The following CLCN1 variants were observed in gnomAD, a reference collection of about 807,000 sequenced individuals.
CLCN1 encodes chloride channel protein 1.
In CLCN1, 100 loss-of-function variants were observed where a neutral mutation model predicts 114.5. The observed-to-expected ratio is 0.87, with a 90% confidence interval of 0.74 to 1.03. The LOEUF is 1.03. CLCN1 is among the 50% of genes least tolerant of loss of function. The pLI, the probability that CLCN1 is intolerant of heterozygous loss-of-function variation, is 0.00. For missense variants in CLCN1, 1,188 were observed against 1,250.0 expected, an observed-to-expected ratio of 0.95 and a Z score of 0.75; for synonymous variants, 485 against 487.1, an observed-to-expected ratio of 1.00 and a Z score of 0.06.
chr7:143,350,224 G>A lies in CLCN1; in HGVS notation c.2404-148G>A. On this transcript the variant is annotated intron_variant, in intron 20 of 22. Coordinates refer to ENST00000343257, the MANE Select transcript of CLCN1 (RefSeq NM_000083.3). The surrounding 1 kb of genome is among the most constrained non-coding windows in gnomAD (Gnocchi z 5.1). ...CTCTGTCCCCTGGGAAGAAGGAGGA[G>A]GTCCTCTGATCTGGGGGATCTATGA... is the stretch of plus-strand genomic sequence containing the variant. 1 of 704,552 alleles carries A rather than the reference G, an allele frequency of 1.4e-6. No homozygotes were observed. The highest frequency in any genetic ancestry group is 2.6e-6 in the Non-Finnish European group (1 of 387,230). The allele number at this position is 704,552 out of a possible 1,614,324, so 43.6% of individuals were successfully genotyped here.
chr7:143,339,662 ACTT>A lies in CLCN1; in HGVS notation c.1582+43_1582+45del. 13 of 1,209,194 alleles carry A rather than the reference ACTT, an allele frequency of 1.1e-5. No homozygotes were observed. The highest frequency in any genetic ancestry group is 1.6e-5 in the Non-Finnish European group (13 of 810,598). 74.9% of individuals were successfully genotyped at this position (1,209,194 alleles called of 1,614,324 possible). A position where few individuals can be genotyped will look rare whatever the true frequency, so the allele number is the denominator to read the frequency against. ...ACTTCCCTGTAATCAAACATTGAGT[ACTT>A]CAGATCCCCACACTTAAACTCTCCC... On this transcript the variant is annotated intron_variant, in intron 14 of 22. Coordinates refer to ENST00000343257, the MANE Select transcript of CLCN1 (RefSeq NM_000083.3). This position sits in a 1 kb window ranked among gnomAD's most constrained non-coding sequence, Gnocchi z 4.1.
In CLCN1 at chr7:143,324,357, C is replaced by A. The variant is rs1235972866; in HGVS notation, c.775-57C>A. 7 of 1,308,644 alleles carry A rather than the reference C, an allele frequency of 5.3e-6. No individual in the cohort carries two copies. In the African/African-American group the frequency reaches 8.7e-5, roughly 16 times the overall value. 81.1% of individuals were successfully genotyped at this position (1,308,644 alleles called of 1,614,324 possible). A position where few individuals can be genotyped will look rare whatever the true frequency, so the allele number is the denominator to read the frequency against. ...TCCCCATCCCTGCTTGTTCTGTCCT[C>A]TGCCTGCCCACCTCCCTCTCTTCCA... is the stretch of plus-strand genomic sequence containing the variant. On this transcript the variant is annotated intron_variant, in intron 6 of 22. Coordinates refer to ENST00000343257, the MANE Select transcript of CLCN1 (RefSeq NM_000083.3). This position sits in a 1 kb window ranked among gnomAD's most constrained non-coding sequence, Gnocchi z 4.6.
rs1196345944 is a variant in CLCN1, at chr7:143,316,262, G to T, written c.50G>T (p.Gly17Val). The change falls in exon 1 of 23, where the codon GGT becomes GTT. Residue 17 changes from glycine to valine, a missense_variant. Coordinates refer to ENST00000343257, the MANE Select transcript of CLCN1 (RefSeq NM_000083.3). ...QQRGGEQSWW[G>V]SDPQYQYMPF... is the part of the protein sequence containing the mutation. The stretch of plus-strand genomic sequence containing the variant: ...CGTGGGGGTGAACAAAGCTGGTGGG[G>T]TAGTGACCCCCAGTACCAGTATATG... 1 of 1,613,804 alleles carries T rather than the reference G, an allele frequency of 6.2e-7. No individual in the cohort carries two copies. Among genetic ancestry groups the T allele is most frequent in the Non-Finnish European group, 8.5e-7 (1 of 1,179,814 alleles).
rs539049180 is a variant in CLCN1 at position 143,339,024 on chromosome 7, T to G, written c.1402-229T>G. ...TACAGGCACTCAAAGTAGAAGGGAT[T>G]TGGTCTAGCCATCTAGAGGAACCTT... On this transcript the variant is annotated intron_variant, in intron 12 of 22. Transcript: ENST00000343257. The surrounding 1 kb of genome is among the most constrained non-coding windows in gnomAD (Gnocchi z 4.1). 6.6e-6 allele frequency among the ~76,000 whole-genome samples: 1 copy of G among 152,296 alleles called. No homozygotes were observed. Among genetic ancestry groups the G allele is most frequent in the Non-Finnish European group, 1.5e-5 (1 of 68,026 alleles).
At chr7:143,320,342 C>T (rs998767843) in intron 2 of CLCN1, among the ~76,000 whole-genome samples, 3 of 152,152 alleles carry the variant, frequency 2.0e-5, no homozygotes, top group African/African-American at 7.2e-5. Flanking sequence ...CCTGTTATTC[C>T]TCCCACAACT....
In CLCN1 at chr7:143,351,988, A is replaced by G. The variant is rs374780954; in HGVS notation, c.*23A>G. ...TGACCCCCTCCCACGACCTCCTCAT[A>G]AAGACCGTGGAGAGGCCCAGCCTGA... On this transcript the variant is annotated 3_prime_UTR_variant, in exon 23 of 23. Transcript: ENST00000343257. 102 of 1,612,086 alleles carry G rather than the reference A, an allele frequency of 6.3e-5. 1 individual carries two copies. The African/African-American group carries it at 1.0e-3, about 16-fold the overall frequency.
rs957743792 is a variant in CLCN1 at position 143,334,570 on chromosome 7, GA to G, written c.1401+1705del. Among the ~76,000 whole-genome samples the G allele has an allele frequency of 2.4e-4, 36 of 151,938 alleles. 1 individual carries two copies. Among genetic ancestry groups the G allele is most frequent in the East Asian group, 3.9e-4 (2 of 5,174 alleles). ...TTAGCTATATCTTATGCTTGCAACAGAAAAAAAATTTTTAAATATTTTAAAA... is the reference window on the plus strand; with the variant it reads ...TTAGCTATATCTTATGCTTGCAACAGAAAAAAATTTTTAAATATTTTAAAA... On this transcript the variant is annotated intron_variant, in intron 12 of 22. Transcript: ENST00000343257.
chr7:143,323,674 AC>A (rs1290365865), intron 6 of CLCN1: 23 of 590,008 alleles, frequency 3.9e-5, no homozygotes, highest in Middle Eastern at 2.7e-4. Context: ...AGTCCATACC[AC>A]CCCCTCTGTG....
chr7:143,317,791 G>A (rs1802327156), intron 1 of CLCN1, among the ~76,000 whole-genome samples: 1 of 152,084 alleles, frequency 6.6e-6, no homozygotes, highest in African/African-American at 2.4e-5. Flanking sequence ...TCGAGCATTG[G>A]GAAGGTTTCT....
chr7:143,328,768 G>A (rs189061389), intron 7 of CLCN1, among the ~76,000 whole-genome samples: 2 of 152,238 alleles, frequency 1.3e-5, no homozygotes, highest in Admixed American at 6.5e-5. Context: ...GGCAGAAGGG[G>A]TGATTGGCCA....
chr7:143,316,513 A>T (rs1802296352), intron 1 of CLCN1, 121 bp downstream of exon 1: 2 of 910,666 alleles, frequency 2.2e-6, no homozygotes, highest in Non-Finnish European at 3.4e-6. Flanking sequence ...TAACTTAAAA[A>T]ACAAGTACGT....
At chr7:143,331,433 G>A (rs1802721355) in intron 9 of CLCN1, 117 bp downstream of exon 9, 3 of 1,113,604 alleles carry the variant, frequency 2.7e-6, no homozygotes, top group African/African-American at 1.5e-5. Flanking sequence ...ACATTGCTGG[G>A]GGGATGTGGG....
Position 143,324,405 on chromosome 7 carries a change from C to T in CLCN1, c.775-9C>T. The T allele has an allele frequency of 6.2e-7, 1 of 1,608,682 alleles. No homozygotes were observed. The highest frequency in any genetic ancestry group is 1.3e-5 in the African/African-American group (1 of 74,902). On this transcript the variant is annotated splice_polypyrimidine_tract_variant and intron_variant, in intron 6 of 22. Coordinates refer to ENST00000343257, the MANE Select transcript of CLCN1 (RefSeq NM_000083.3). The surrounding 1 kb of genome is among the most constrained non-coding windows in gnomAD (Gnocchi z 4.6). ...CCACCTGTTTCTCTGTCTGTCTCTC[C>T]CCTAGTAGCAGCCATACTACTACTC...
chr7:143,344,686 A>G (rs4726607), intron 16 of CLCN1, among the ~76,000 whole-genome samples: 64,898 of 151,024 alleles, frequency 0.43, 14,578 homozygotes, highest in African/African-American at 0.56. Flanking sequence ...TATAGTAGCA[A>G]AATTTCTATA....
chr7:143,319,327 C>T (rs1392062495), intron 1 of CLCN1, among the ~76,000 whole-genome samples: 4 of 152,176 alleles, frequency 2.6e-5, no homozygotes, highest in Non-Finnish European at 5.9e-5. Context: ...CCCAGTCTGT[C>T]CTCACCCTGT....
In CLCN1 at chr7:143,346,243, A is replaced by G; in HGVS notation, c.2276A>G (p.Glu759Gly). Reference sequence around the variant, plus strand: ...CACAAACAGCAGCCGGAAGCACCAGAGCCTGCAGGTGACGCTCTTCCCTCA... The same window carrying G: ...CACAAACAGCAGCCGGAAGCACCAGGGCCTGCAGGTGACGCTCTTCCCTCA... ...PGHKQQPEAP[E>G]PAGQRPSIFQ... Residue 759 changes from glutamate (E) to glycine (G), a missense_variant, in exon 18 of 23, where the codon GAG becomes GGG. Physicochemically the swap from Glu to Gly is moderately conservative, Grantham distance 98 (BLOSUM62 -2). Coordinates refer to ENST00000343257, the MANE Select transcript of CLCN1 (RefSeq NM_000083.3). The G allele has an allele frequency of 6.2e-7, 1 of 1,608,072 alleles. No individual in the cohort carries two copies. Among genetic ancestry groups the G allele is most frequent in the South Asian group, 1.1e-5 (1 of 90,948 alleles).
At chr7:143,316,506 CT>C in intron 1 of CLCN1, 114 bp downstream of exon 1, 2 of 1,002,126 alleles carry the variant, frequency 2.0e-6, no homozygotes, top group South Asian at 3.0e-5. Context: ...ATTTTTTTAA[CT>C]TAAAAAACAA....
intron 12 of CLCN1, among the ~76,000 whole-genome samples, chr7:143,336,664 A>AAAG (rs1252984529): frequency 8.9e-5 from 5 of 55,884 alleles, no homozygotes; most frequent in African/African-American, 3.6e-4. Flanking sequence ...GAAGGGAAAG[A>AAAG]AAGAAAGAAA....
intron 12 of CLCN1, among the ~76,000 whole-genome samples, chr7:143,338,443 A>G (rs538038339): frequency 6.6e-6 from 1 of 152,028 alleles, no homozygotes; most frequent in South Asian, 2.1e-4. Flanking sequence ...TTGAAGCTCA[A>G]TTAATCACAC....
Sources: gnomAD v4.1 joint callset for allele counts (sites outside exome capture counted in the v4.1 genomes callset) on GRCh38, gnomAD v4.1.1 for gene constraint, Gnocchi (gnomAD v3.1) non-coding constraint, MANE v1.5 for transcripts, NCBI Gene and HGNC (gene_info 2026-07-23, HGNC 2026-07-21) for gene names.